Variants in KCTD8 observed in about 807,000 individuals in gnomAD.
KCTD8 encodes the protein BTB/POZ domain-containing protein KCTD8.
Under a neutral mutation model 31.5 loss-of-function variants are expected in KCTD8, and 27 were observed. That is an observed-to-expected ratio of 0.86 (90% CI 0.63 to 1.18). The LOEUF is 1.18. KCTD8 is among the 50% of genes most tolerant of loss of function. KCTD8 has a pLI of 0.00. For synonymous variants in KCTD8, 290 were observed against 280.0 expected (o/e 1.04, Z -0.36); for missense variants, 658 against 647.7 (o/e 1.02, Z -0.17).
Position 44,440,089 on chromosome 4 carries a change from G to A in KCTD8, c.961+7474C>T, listed in dbSNP as rs535188756. Among the ~76,000 whole-genome samples, 139 of 151,706 alleles carry A rather than the reference G, an allele frequency of 9.2e-4. 1 individual carries two copies. The highest frequency in any genetic ancestry group is 3.1e-3 in the African/African-American group (127 of 41,400). ...TGGGATTACAGATGCCCGCCACCAC[G>A]CCCAGCTAATTTTTTGTATTTTTAG... On this transcript the variant is annotated intron_variant, in intron 1 of 1. Coordinates refer to ENST00000360029, the MANE Select transcript of KCTD8 (RefSeq NM_198353.3).
intron 1 of KCTD8, among the ~76,000 whole-genome samples, chr4:44,380,858 C>T (rs978397247): frequency 1.3e-5 from 2 of 151,898 alleles, no homozygotes; most frequent in African/African-American, 4.8e-5. Context: ...GCAAAGTTCA[C>T]ATTATTTTTC....
chr4:44,307,041 CTAAAGCGGCCA>C (rs1380736403), intron 1 of KCTD8, among the ~76,000 whole-genome samples: 2 of 151,910 alleles, frequency 1.3e-5, no homozygotes, highest in African/African-American at 4.8e-5. Context: ...AATTGCTTAA[CTAAAGCGGCCA>C]TAAACAAAAT....
intron 1 of KCTD8, among the ~76,000 whole-genome samples, chr4:44,215,667 T>C (rs1251617547): frequency 6.6e-6 from 1 of 152,220 alleles, no homozygotes; most frequent in Non-Finnish European, 1.5e-5. Flanking sequence ...AAGGTCTGCA[T>C]TGAGAACTAG....
intron 1 of KCTD8, among the ~76,000 whole-genome samples, chr4:44,277,040 T>C (rs1291370670): frequency 1.3e-5 from 2 of 151,882 alleles, no homozygotes; most frequent in East Asian, 1.9e-4. Flanking sequence ...TCTTATTTAA[T>C]TGGATTATTC....
At chr4:44,390,000 C>T (rs1034431068) in intron 1 of KCTD8, among the ~76,000 whole-genome samples, 5 of 151,014 alleles carry the variant, frequency 3.3e-5, no homozygotes, top group South Asian at 2.1e-4. Flanking sequence ...TTATTTCTGC[C>T]GATTTGTTTG....
chr4:44,197,158 C>T (rs533240375), intron 1 of KCTD8, among the ~76,000 whole-genome samples: 21 of 152,190 alleles, frequency 1.4e-4, no homozygotes, highest in African/African-American at 5.1e-4. Flanking sequence ...TGACAGGACT[C>T]ATTGGTTTGG....
At chr4:44,199,178 T>C (rs1028871436) in intron 1 of KCTD8, among the ~76,000 whole-genome samples, 1 of 152,132 alleles carries the variant, frequency 6.6e-6, no homozygotes, top group Non-Finnish European at 1.5e-5. Flanking sequence ...CAAAAAGACA[T>C]GGACAACCAC....
rs148350370 is a variant in KCTD8, at chr4:44,261,251, G to A, written c.962-86001C>T. 2.5e-3 allele frequency among the ~76,000 whole-genome samples: 380 copies of A among 152,038 alleles called. 1 individual carries two copies. Among genetic ancestry groups the A allele is most frequent in the African/African-American group, 8.4e-3 (349 of 41,532 alleles). ...TTTGGGAGGAAAAAATGAAGTGTTT[G>A]GCCTTGGATGCATTAAGTGTTAAAT... On this transcript the variant is annotated intron_variant, in intron 1 of 1. Coordinates refer to ENST00000360029, the MANE Select transcript of KCTD8 (RefSeq NM_198353.3).
chr4:44,239,588 T>C (rs1715389630), intron 1 of KCTD8, among the ~76,000 whole-genome samples: 1 of 152,192 alleles, frequency 6.6e-6, no homozygotes, highest in Non-Finnish European at 1.5e-5. Flanking sequence ...TGGAATAGTA[T>C]GGATGGTGAC....
chr4:44,175,245 G>A lies in KCTD8; in HGVS notation c.967C>T (p.Pro323Ser), dbSNP rs779604370. Reference protein sequence around the residue: ...SYTEYIFFRPPQKIVSPKQEH... With the variant: ...SYTEYIFFRPSQKIVSPKQEH... ...TGTTTAGGTGATACTATTTTCTGAGGTGGTCCTAAAAAGGAGGAAAAAAAA... is the reference window on the plus strand; with the variant it reads ...TGTTTAGGTGATACTATTTTCTGAGATGGTCCTAAAAAGGAGGAAAAAAAA... Residue 323 changes from proline to serine, a missense_variant, in exon 2 of 2, where the codon CCT becomes TCT. Physicochemically the swap from Pro to Ser is moderately conservative, Grantham distance 74 (BLOSUM62 -1). Coordinates refer to ENST00000360029, the MANE Select transcript of KCTD8 (RefSeq NM_198353.3). The A allele has an allele frequency of 1.5e-5, 23 of 1,530,598 alleles. No individual in the cohort carries two copies. The Admixed American group carries it at 4.9e-4, about 32-fold the overall frequency. 94.8% of individuals were successfully genotyped at this position (1,530,598 alleles called of 1,614,324 possible).
intron 1 of KCTD8, among the ~76,000 whole-genome samples, chr4:44,407,990 A>G (rs890555035): frequency 6.6e-6 from 1 of 152,132 alleles, no homozygotes; most frequent in Non-Finnish European, 1.5e-5. Context: ...TCCAGAGCTT[A>G]CTAAGATCTT....
intron 1 of KCTD8, among the ~76,000 whole-genome samples, chr4:44,310,572 T>C (rs542579956): frequency 2.0e-5 from 3 of 152,178 alleles, no homozygotes; most frequent in Admixed American, 2.0e-4. Context: ...GGCTTTCTAT[T>C]TTACTATAAA....
At chr4:44,341,019 C>T (rs73815021) in intron 1 of KCTD8, among the ~76,000 whole-genome samples, 5 of 152,078 alleles carry the variant, frequency 3.3e-5, no homozygotes, top group African/African-American at 4.8e-5. Flanking sequence ...ACAAGATGAA[C>T]TTATGTACAG....
intron 1 of KCTD8, among the ~76,000 whole-genome samples, chr4:44,315,045 CTTTAAAGATGA>C (rs1192291242): frequency 6.6e-6 from 1 of 151,720 alleles, no homozygotes; most frequent in East Asian, 1.9e-4. Flanking sequence ...TATTTGCCAC[CTTTAAAGATGA>C]AAAATTTAGG....
Position 44,448,512 on chromosome 4 carries a change from C to T in KCTD8, c.12G>A (p.Lys4=). 1 of 1,482,144 alleles carries T rather than the reference C, an allele frequency of 6.7e-7. No homozygotes were observed. The highest frequency in any genetic ancestry group is 2.4e-5 in the East Asian group (1 of 41,304). The allele number at this position is 1,482,144 out of a possible 1,614,324, so 91.8% of individuals were successfully genotyped here. ...TGGTGCTGCCGCCGCTGCCCGTGTC[C>T]TTCAGAGCCATAGTCCCCCCGCCGC... MAL[K]DTGSGGSTIL... Residue 4 remains lysine, a synonymous_variant, in exon 1 of 2, where the codon AAG becomes AAA. Coordinates refer to ENST00000360029, the MANE Select transcript of KCTD8 (RefSeq NM_198353.3). The surrounding 1 kb of genome is among the most constrained non-coding windows in gnomAD (Gnocchi z 4.1).
intron 1 of KCTD8, among the ~76,000 whole-genome samples, chr4:44,430,068 T>C (rs1560452812): frequency 6.6e-6 from 1 of 151,672 alleles, no homozygotes; most frequent in Admixed American, 6.6e-5. Context: ...ATACTAAGAA[T>C]GTACTGTTAA....
rs570165705 is a variant in KCTD8, at chr4:44,305,848, T to C, written c.962-130598A>G. 1.1e-4 allele frequency among the ~76,000 whole-genome samples: 17 copies of C among 151,966 alleles called. 1 individual carries two copies. Among genetic ancestry groups the C allele is most frequent in the African/African-American group, 4.1e-4 (17 of 41,516 alleles). On this transcript the variant is annotated intron_variant, in intron 1 of 1. Coordinates refer to ENST00000360029, the MANE Select transcript of KCTD8 (RefSeq NM_198353.3). ...TCAAGTTTCAAAGTAGTTCAAAGAT[T>C]TGCTATCATAATAATCCTATCACAT...
chr4:44,383,938 A>T (rs12499020), intron 1 of KCTD8, among the ~76,000 whole-genome samples: 125,025 of 151,902 alleles, frequency 0.82, 51,656 homozygotes, highest in South Asian at 0.88. Flanking sequence ...GAAACTAATA[A>T]CTAAAATATA....
chr4:44,300,971 G>GT (rs1282746278), intron 1 of KCTD8, among the ~76,000 whole-genome samples: 1 of 139,002 alleles, frequency 7.2e-6, no homozygotes, highest in Non-Finnish European at 1.6e-5. Context: ...GCGGTGTTTG[G>GT]TTTTTTGTCC....
Sources: gnomAD v4.1 joint callset for allele counts (sites outside exome capture counted in the v4.1 genomes callset) on GRCh38, gnomAD v4.1.1 for gene constraint, Gnocchi (gnomAD v3.1) non-coding constraint, MANE v1.5 for transcripts, NCBI Gene and HGNC (gene_info 2026-07-23, HGNC 2026-07-21) for gene names.